GFOD1: variants seen among roughly 807,000 people sequenced by gnomAD.
GFOD1 encodes Gfo/Idh/MocA-like oxidoreductase domain containing 1.
Under a neutral mutation model 25.4 loss-of-function variants are expected in GFOD1, and 9 were observed. That is an observed-to-expected ratio of 0.35 (90% CI 0.21 to 0.62). The LOEUF (loss-of-function observed/expected upper bound fraction) is 0.62. GFOD1 is among the 20% of genes least tolerant of loss of function. The pLI is 0.72. For synonymous variants in GFOD1, 253 were observed against 245.6 expected (o/e 1.03, Z -0.28); for missense variants, 403 against 556.9 (o/e 0.72, Z 2.78).
chr6:13,390,781 A>G (rs866194507), intron 1 of GFOD1, among the ~76,000 whole-genome samples: 6 of 27,688 alleles, frequency 2.2e-4, no homozygotes, highest in Non-Finnish European at 2.8e-4. Flanking sequence ...GAGAGAGAGA[A>G]AGGAAGGAAG....
At chr6:13,479,402 C>T (rs956404404) in intron 1 of GFOD1, among the ~76,000 whole-genome samples, 10 of 152,122 alleles carry the variant, frequency 6.6e-5, no homozygotes, top group South Asian at 2.1e-4. Context: ...GATTATGACT[C>T]CCAAAGTCAC....
intron 1 of GFOD1, among the ~76,000 whole-genome samples, chr6:13,426,968 C>T (rs906858044): frequency 6.6e-6 from 1 of 152,178 alleles, no homozygotes; most frequent in Admixed American, 6.5e-5. Context: ...TCAGTTTTCT[C>T]CTCTGCACAG....
chr6:13,447,355 C>T (rs1249091409), intron 1 of GFOD1, among the ~76,000 whole-genome samples: 2 of 152,166 alleles, frequency 1.3e-5, no homozygotes, highest in South Asian at 4.1e-4. Flanking sequence ...GTCCAAATTC[C>T]CCCCTTTTTA....
intron 1 of GFOD1, chr6:13,470,176 C>A (rs757895699): frequency 6.4e-7 from 1 of 1,552,836 alleles, no homozygotes; most frequent in Non-Finnish European, 8.8e-7. Flanking sequence ...TTCCCCAGCA[C>A]CTGCGCGCGA....
intron 1 of GFOD1, among the ~76,000 whole-genome samples, chr6:13,439,096 C>CTT (rs1757876491): frequency 6.6e-6 from 1 of 152,142 alleles, no homozygotes; most frequent in Non-Finnish European, 1.5e-5. Context: ...TCTAGATGTA[C>CTT]TAGATAGAAG....
intron 1 of GFOD1, among the ~76,000 whole-genome samples, chr6:13,372,280 CAGA>C (rs1380713488): frequency 1.3e-5 from 2 of 152,168 alleles, no homozygotes; most frequent in Non-Finnish European, 2.9e-5. Flanking sequence ...TAAATAATTT[CAGA>C]AGAAGCTTTA....
intron 1 of GFOD1, among the ~76,000 whole-genome samples, chr6:13,441,741 C>G (rs944319341): frequency 2.0e-5 from 3 of 152,036 alleles, no homozygotes; most frequent in Non-Finnish European, 4.4e-5. Context: ...AAAAATATCA[C>G]CAAACTTCTA....
At chr6:13,453,579 G>A (rs1022357927) in intron 1 of GFOD1, among the ~76,000 whole-genome samples, 13 of 152,112 alleles carry the variant, frequency 8.5e-5, no homozygotes, top group Non-Finnish European at 1.5e-5. Context: ...CCTTTTTAAA[G>A]CATCCTCAAT....
chr6:13,480,448 T>A (rs1562232787), intron 1 of GFOD1, among the ~76,000 whole-genome samples: 2 of 152,234 alleles, frequency 1.3e-5, no homozygotes, highest in African/African-American at 4.8e-5. Flanking sequence ...AGTGTCTGAC[T>A]GTTCCAGCAT....
chr6:13,409,250 GAA>G (rs1476794879), intron 1 of GFOD1, among the ~76,000 whole-genome samples: 5 of 100,094 alleles, frequency 5.0e-5, no homozygotes, highest in Admixed American at 2.4e-4. Context: ...GAGAAAGAGA[GAA>G]AGAGAGAGAG....
At chr6:13,391,885 G>A (rs1785621528) in intron 1 of GFOD1, among the ~76,000 whole-genome samples, 1 of 152,224 alleles carries the variant, frequency 6.6e-6, no homozygotes. Context: ...TCATTTTGTT[G>A]TTGTTACCAA....
chr6:13,474,151 G>A (rs146933093), intron 1 of GFOD1, among the ~76,000 whole-genome samples: 2,495 of 152,260 alleles, frequency 0.016, 51 homozygotes, highest in African/African-American at 0.054. Context: ...AGGCCAAGGC[G>A]GGTGGATCGC....
At chr6:13,427,090 C>T (rs541735876) in intron 1 of GFOD1, among the ~76,000 whole-genome samples, 11 of 152,284 alleles carry the variant, frequency 7.2e-5, no homozygotes, top group African/African-American at 2.2e-4. Context: ...GATTGGACCT[C>T]ACAGGACAAA....
At chr6:13,466,660 A>G (rs919337669) in intron 1 of GFOD1, among the ~76,000 whole-genome samples, 1 of 152,160 alleles carries the variant, frequency 6.6e-6, no homozygotes, top group African/African-American at 2.4e-5. Context: ...ATGGCACAGT[A>G]CTTCTTCTTT....
intron 1 of GFOD1, among the ~76,000 whole-genome samples, chr6:13,369,791 G>T (rs1045059439): frequency 1.3e-5 from 2 of 152,056 alleles, no homozygotes; most frequent in African/African-American, 2.4e-5. Flanking sequence ...CTTTTCAATG[G>T]CAAGTAAGAT....
chr6:13,469,219 C>T (rs1758433352), intron 1 of GFOD1: 2 of 984,832 alleles, frequency 2.0e-6, no homozygotes, highest in Admixed American at 6.1e-5. Flanking sequence ...CAGCACCACA[C>T]TCAGCCTGGA....
At chr6:13,421,339 A>T (rs1393412488) in intron 1 of GFOD1, among the ~76,000 whole-genome samples, 1 of 152,050 alleles carries the variant, frequency 6.6e-6, no homozygotes, top group Non-Finnish European at 1.5e-5. Flanking sequence ...AGTTAAAAAC[A>T]AATATTAGCC....
At position 13,442,701 on chromosome 6, in the gene GFOD1, G is replaced by A. The variant is rs139782836; in HGVS notation, c.253+43937C>T. 4.1e-3 allele frequency among the ~76,000 whole-genome samples: 621 copies of A among 152,266 alleles called. 5 individuals are homozygous for A. Among genetic ancestry groups the A allele is most frequent in the African/African-American group, 0.013 (528 of 41,550 alleles). On this transcript the variant is annotated intron_variant, in intron 1 of 1. Transcript: ENST00000379287. Reference sequence around the variant, plus strand: ...GCCTGTGCTCTATACATGGAACAACGAAGCTTGGATGACAGCACAATATTT... The same window carrying A: ...GCCTGTGCTCTATACATGGAACAACAAAGCTTGGATGACAGCACAATATTT...
intron 1 of GFOD1, among the ~76,000 whole-genome samples, chr6:13,479,266 C>G (rs1288934634): frequency 6.6e-6 from 1 of 152,162 alleles, no homozygotes; most frequent in Non-Finnish European, 1.5e-5. Context: ...GAGCTTGATG[C>G]AGAGAGCTGA....
Sources: gnomAD v4.1 joint callset for allele counts (sites outside exome capture counted in the v4.1 genomes callset) on GRCh38, gnomAD v4.1.1 for gene constraint, MANE v1.5 for transcripts, NCBI Gene and HGNC (gene_info 2026-07-23, HGNC 2026-07-21) for gene names.